The following NECAB1 variants were observed in gnomAD, a reference collection of about 807,000 sequenced individuals.
The protein encoded by NECAB1 is N-terminal EF-hand calcium-binding protein 1.
A neutral mutation model predicts 57.5 loss-of-function variants in NECAB1; 29 were observed. The ratio of observed to expected loss-of-function variants is 0.50; its 90% CI spans 0.38 to 0.69. NECAB1 has a LOEUF of 0.69. Ranked by LOEUF, NECAB1 falls within the 30% of genes least tolerant of loss-of-function variation. The pLI is 0.00. For synonymous variants in NECAB1, 142 were observed against 147.7 expected (o/e 0.96, Z 0.28); for missense variants, 372 against 413.8 (o/e 0.90, Z 0.88).
intron 8 of NECAB1, among the ~76,000 whole-genome samples, chr8:90,931,788 C>A (rs961011413): frequency 1.3e-5 from 2 of 152,106 alleles, no homozygotes; most frequent in African/African-American, 4.8e-5. Context: ...CCTGTAATCC[C>A]AGCTACTTGG....
At chr8:90,934,224 G>A in intron 8 of NECAB1, 80 bp from the exon 9 acceptor site, 1 of 970,182 alleles carries the variant, frequency 1.0e-6, no homozygotes. Context: ...AGCCATGAGA[G>A]AACTATGATT....
At chr8:90,929,438 G>A (rs907805510) in intron 8 of NECAB1, among the ~76,000 whole-genome samples, 3 of 152,152 alleles carry the variant, frequency 2.0e-5, no homozygotes, top group Non-Finnish European at 4.4e-5. Flanking sequence ...TCTGAATTTG[G>A]AAAAGTCAGA....
intron 3 of NECAB1, among the ~76,000 whole-genome samples, chr8:90,849,499 T>TC (rs1395288741): frequency 6.6e-6 from 1 of 150,868 alleles, no homozygotes; most frequent in Non-Finnish European, 1.5e-5. Flanking sequence ...TTTTTTTTTT[T>TC]TTCTGTTTTT....
intron 7 of NECAB1, among the ~76,000 whole-genome samples, chr8:90,927,746 A>G (rs1016625541): frequency 2.6e-5 from 4 of 151,506 alleles, no homozygotes; most frequent in African/African-American, 4.9e-5. Flanking sequence ...TATAGAGTCC[A>G]TGTATATATA....
At chr8:90,845,775 C>G (rs1812545366) in intron 3 of NECAB1, among the ~76,000 whole-genome samples, 1 of 152,084 alleles carries the variant, frequency 6.6e-6, no homozygotes, top group African/African-American at 2.4e-5. Context: ...TGCCTTTATG[C>G]AAAATCAAAG....
At chr8:90,865,857 C>T (rs1451459390) in intron 3 of NECAB1, among the ~76,000 whole-genome samples, 3 of 152,166 alleles carry the variant, frequency 2.0e-5, no homozygotes, top group African/African-American at 4.8e-5. Flanking sequence ...TCACCACATT[C>T]TTCTAGGTTA....
chr8:90,945,072 A>AT (rs892640336), intron 10 of NECAB1, among the ~76,000 whole-genome samples: 80 of 150,310 alleles, frequency 5.3e-4, no homozygotes, highest in Admixed American at 1.9e-3. Context: ...TAATTTATTT[A>AT]TTTTTTTTTG....
intron 4 of NECAB1, among the ~76,000 whole-genome samples, chr8:90,878,063 A>T (rs556226737): frequency 3.3e-5 from 5 of 149,750 alleles, no homozygotes; most frequent in African/African-American, 1.2e-4. Flanking sequence ...CAAAGACAGG[A>T]TCTCGTTCTG....
intron 1 of NECAB1, 30 bp from the exon 2 acceptor site, chr8:90,801,661 T>C: frequency 1.4e-6 from 2 of 1,465,780 alleles, no homozygotes; most frequent in Non-Finnish European, 1.8e-6. Context: ...TCTAAAATGC[T>C]GATAAAATTT....
intron 12 of NECAB1, among the ~76,000 whole-genome samples, chr8:90,954,092 A>G (rs540423150): frequency 6.6e-6 from 1 of 150,776 alleles, no homozygotes; most frequent in South Asian, 2.1e-4. Context: ...ATAAATAAAT[A>G]AATAAATAAA....
At chr8:90,905,049 A>G (rs901666608) in intron 5 of NECAB1, among the ~76,000 whole-genome samples, 17 of 152,018 alleles carry the variant, frequency 1.1e-4, no homozygotes, top group African/African-American at 4.1e-4. Context: ...TACCTTTAGA[A>G]CATAGTATGG....
chr8:90,854,643 G>A (rs938402997), intron 3 of NECAB1, among the ~76,000 whole-genome samples: 7 of 152,144 alleles, frequency 4.6e-5, no homozygotes, highest in Non-Finnish European at 5.9e-5. Context: ...ATATACCCCT[G>A]CCTTGTTCAG....
At chr8:90,819,404 G>C (rs1248074708) in intron 2 of NECAB1, among the ~76,000 whole-genome samples, 5 of 151,950 alleles carry the variant, frequency 3.3e-5, no homozygotes, top group Non-Finnish European at 1.5e-5. Flanking sequence ...ATCAGGTAAT[G>C]GGAACTGAGA....
chr8:90,925,639 TTAA>T lies in NECAB1; in HGVS notation c.601_603del (p.Asn201del). 1 of 1,613,870 alleles carries T rather than the reference TTAA, an allele frequency of 6.2e-7. No homozygotes were observed. Among genetic ancestry groups the T allele is most frequent in the Non-Finnish European group, 8.5e-7 (1 of 1,179,834 alleles). On this transcript the variant is annotated inframe_deletion, in exon 7 of 13. Transcript: ENST00000417640. ...AGCTTCTCCCCAAACAGCCCTCAGT[TTAA>T]TGTCAGCGGTCCAGGTAACATACCC...
In NECAB1 at chr8:90,959,093, T is replaced by A. The variant is rs775300757; in HGVS notation, c.*3581T>A. ...TGAATACAGTTTTTACTAATTAGTT[T>A]ATCAAACCAAATACTGTGAACGTAC... On this transcript the variant is annotated 3_prime_UTR_variant, in exon 13 of 13. Transcript: ENST00000417640. 42 of 764,020 alleles carry A rather than the reference T, an allele frequency of 5.5e-5. No homozygotes were observed. Among genetic ancestry groups the A allele is most frequent in the Admixed American group, 3.7e-4 (12 of 32,112 alleles). The allele number at this position is 764,020 out of a possible 1,614,324, so 47.3% of individuals were successfully genotyped here. A position where few individuals can be genotyped will look rare whatever the true frequency, so the allele number is the denominator to read the frequency against.
chr8:90,925,688 A>T, intron 7 of NECAB1, 32 bp downstream of exon 7: 7 of 1,611,990 alleles, frequency 4.3e-6, no homozygotes, highest in Non-Finnish European at 5.9e-6. Context: ...TTTATTTGTC[A>T]AAGTCTATTT....
chr8:90,794,473 CTT>C (rs1431649779), intron 1 of NECAB1, among the ~76,000 whole-genome samples: 2 of 152,072 alleles, frequency 1.3e-5, no homozygotes. Context: ...TTGAGGAAAA[CTT>C]TGATTTGCAG....
intron 5 of NECAB1, among the ~76,000 whole-genome samples, chr8:90,898,317 A>T (rs1480287730): frequency 1.3e-5 from 2 of 152,134 alleles, no homozygotes; most frequent in African/African-American, 2.4e-5. Flanking sequence ...CCCAAATCCA[A>T]ATTTAAAATA....
At chr8:90,887,064 G>T (rs954443743) in intron 5 of NECAB1, among the ~76,000 whole-genome samples, 5 of 151,950 alleles carry the variant, frequency 3.3e-5, no homozygotes, top group Admixed American at 6.6e-5. Flanking sequence ...TACACATTTG[G>T]TAACTAGATT....
Sources: allele counts gnomAD v4.1 joint callset (sites outside exome capture counted in the v4.1 genomes callset), GRCh38; gene constraint gnomAD v4.1.1; transcripts MANE v1.5; gene names NCBI Gene and HGNC (gene_info 2026-07-23, HGNC 2026-07-21).